The following PAPLN variants were observed in gnomAD, a reference collection of about 807,000 sequenced individuals.
The protein encoded by PAPLN is papilin, proteoglycan like sulfated glycoprotein.
PAPLN carries 146 observed loss-of-function variants against 159.0 expected under a neutral mutation model. That is an observed-to-expected ratio of 0.92 (90% CI 0.80 to 1.05). The LOEUF is 1.05. PAPLN is among the 50% of genes least tolerant of loss of function. The pLI, the probability that PAPLN is intolerant of heterozygous loss-of-function variation, is 0.00. For missense variants in PAPLN, 1,720 were observed against 1,743.9 expected (o/e 0.99, Z 0.24); for synonymous variants, 734 against 702.9 (o/e 1.04, Z -0.70).
intron 2 of PAPLN, 102 bp from the exon 3 acceptor site, chr14:73,244,542 C>T (rs2140188059): frequency 4.0e-6 from 4 of 992,996 alleles, no homozygotes; most frequent in Non-Finnish European, 6.2e-6. Flanking sequence ...ATCCCAGACT[C>T]CTTGATGGGT....
chr14:73,252,663 C>T lies in PAPLN; in HGVS notation c.982C>T (p.Leu328=). Residue 328 remains leucine (L), a synonymous_variant, in exon 11 of 27, where the codon CTG becomes TTG. Transcript: ENST00000644200. ...CCTCTGCGCAGGTCACCAGTCCCGC[C>T]TGGTGTTCTGCACCATCGACCATGA... ...AECGGGHQSR[L]VFCTIDHEAY... The T allele has an allele frequency of 6.2e-7, 1 of 1,613,140 alleles. No individual in the cohort carries two copies. The highest frequency in any genetic ancestry group is 8.5e-7 in the Non-Finnish European group (1 of 1,179,960).
intron 19 of PAPLN, chr14:73,263,400 T>C (rs1355799459): frequency 1.7e-6 from 1 of 580,046 alleles, no homozygotes; most frequent in African/African-American, 1.9e-5. Context: ...GCTTTGCACC[T>C]ACCTTGTTGC....
At position 73,245,936 on chromosome 14, in the gene PAPLN, G is replaced by A. The variant is rs529880227; in HGVS notation, c.232-137G>A. On this transcript the variant is annotated intron_variant, in intron 4 of 26. Transcript: ENST00000644200. The surrounding 1 kb of genome is among the most constrained non-coding windows in gnomAD (Gnocchi z 4.2). Reference sequence around the variant, plus strand: ...CACGCACAGGAGTTCGGGGGTCCGGGGGGCGGACTCCACCTCCGGCGGCTC... The same window carrying A: ...CACGCACAGGAGTTCGGGGGTCCGGAGGGCGGACTCCACCTCCGGCGGCTC... 4.5e-5 allele frequency: 44 copies of A among 970,970 alleles called. No individual in the cohort carries two copies. In the African/African-American group the frequency reaches 7.2e-4, roughly 16 times the overall value. 60.1% of individuals were successfully genotyped at this position (970,970 alleles called of 1,614,324 possible).
Position 73,259,344 on chromosome 14 carries a change from C to T in PAPLN, c.1784C>T (p.Pro595Leu). 1 of 1,611,342 alleles carries T rather than the reference C, an allele frequency of 6.2e-7. No homozygotes were observed. Residue 595 changes from proline (P) to leucine (L), a missense_variant, in exon 16 of 27, where the codon CCC becomes CTC. Physicochemically the swap from Pro to Leu is moderately conservative, Grantham distance 98. Coordinates refer to ENST00000644200, the MANE Select transcript of PAPLN (RefSeq NM_001365906.3). ...GACCACAGGGGAGAACGAGGTGACC[C>T]CAGGGGCGACCAAGGCACCCACCTG... ...RGDHRGERGD[P>L]RGDQGTHLSA...
At position 73,274,122 on chromosome 14, in the gene PAPLN, A is replaced by T. The variant is rs1887962585; in HGVS notation, c.*1458A>T. 6.6e-6 allele frequency: 1 copy of T among 152,276 alleles called. No individual in the cohort carries two copies. The allele number at this position is 152,276 out of a possible 1,614,324, so 9.4% of individuals were successfully genotyped here. On this transcript the variant is annotated 3_prime_UTR_variant, in exon 27 of 27. Coordinates refer to ENST00000644200, the MANE Select transcript of PAPLN (RefSeq NM_001365906.3). ...GCTGCCAAAGACAAATCAGACTGTC[A>T]GTCATTAAAAACAGCATTAGCAGGA...
At position 73,254,710 on chromosome 14, in the gene PAPLN, C is replaced by T; in HGVS notation, c.1485+15C>T. The T allele has an allele frequency of 1.9e-6, 3 of 1,610,182 alleles. No individual in the cohort carries two copies. Among genetic ancestry groups the T allele is most frequent in the African/African-American group, 1.3e-5 (1 of 74,944 alleles). ...CCTGGGGTCTAGTGAGTGCTCTCCACCCCCACACCTGCTGCCTGACCCTGG... is the reference window on the plus strand; with the variant it reads ...CCTGGGGTCTAGTGAGTGCTCTCCATCCCCACACCTGCTGCCTGACCCTGG... On this transcript the variant is annotated intron_variant, in intron 13 of 26. Coordinates refer to ENST00000644200, the MANE Select transcript of PAPLN (RefSeq NM_001365906.3).
In PAPLN at chr14:73,265,565, T is replaced by C; in HGVS notation, c.3263+58T>C. The C allele has an allele frequency of 1.3e-6, 2 of 1,584,024 alleles. No individual in the cohort carries two copies. The highest frequency in any genetic ancestry group is 1.7e-6 in the Non-Finnish European group (2 of 1,162,688). On this transcript the variant is annotated intron_variant, in intron 23 of 26. Transcript: ENST00000644200. The surrounding 1 kb of genome is among the most constrained non-coding windows in gnomAD (Gnocchi z 4.1). ...CTGCCTCCAGCCCCACCTTATCCTA[T>C]GGAGGCCACCGGGGAAGGGAGCTGC...
rs1372194901 is a variant in PAPLN, at chr14:73,245,781, C to T, written c.231+85C>T. The T allele has an allele frequency of 4.0e-5, 60 of 1,488,886 alleles. 1 individual carries two copies. Among genetic ancestry groups the T allele is most frequent in the Admixed American group, 2.0e-5 (1 of 49,928 alleles). 92.2% of individuals were successfully genotyped at this position (1,488,886 alleles called of 1,614,324 possible). A position where few individuals can be genotyped will look rare whatever the true frequency, so the allele number is the denominator to read the frequency against. On this transcript the variant is annotated intron_variant, in intron 4 of 26. Transcript: ENST00000644200. The surrounding 1 kb of genome is among the most constrained non-coding windows in gnomAD (Gnocchi z 4.2). The stretch of plus-strand genomic sequence containing the variant: ...CCCCATTGGGATGCCCGCTCCTGGC[C>T]GCGGGCTGCTGGGTTGGCCCAGCCT...
At chr14:73,260,954 T>C (rs1426649454) in intron 17 of PAPLN, 125 bp downstream of exon 17, 37 of 1,419,700 alleles carry the variant, frequency 2.6e-5, no homozygotes, top group Non-Finnish European at 2.9e-5. Flanking sequence ...TCTGCTGGCC[T>C]GGGTCATCCT....
chr14:73,251,116 C>T (rs1257878284), intron 7 of PAPLN, 86 bp downstream of exon 7: 36 of 1,521,344 alleles, frequency 2.4e-5, no homozygotes, highest in Non-Finnish European at 3.0e-5. Context: ...GCCTAGACTC[C>T]AGGCCAAGTG....
intron 2 of PAPLN, among the ~76,000 whole-genome samples, chr14:73,241,821 T>C (rs952865423): frequency 6.6e-6 from 1 of 152,278 alleles, no homozygotes; most frequent in Non-Finnish European, 1.5e-5. Flanking sequence ...CCTCAGCCTC[T>C]GCTCCCGTCT....
upstream of PAPLN, among the ~76,000 whole-genome samples, chr14:73,236,794 C>T (rs1261224400): frequency 2.2e-5 from 3 of 138,730 alleles, no homozygotes; most frequent in African/African-American, 8.1e-5. Context: ...CTACCCTGGG[C>T]AACAAGAGTG....
chr14:73,264,527 C>T, intron 21 of PAPLN, 61 bp from the exon 22 acceptor site: 1 of 1,552,260 alleles, frequency 6.4e-7, no homozygotes, highest in Non-Finnish European at 8.7e-7. Context: ...TCATGGCCCG[C>T]CCTTCCTTCC....
At chr14:73,242,636 G>A (rs1273320813) in intron 2 of PAPLN, 1 of 152,228 alleles carries the variant, frequency 6.6e-6, no homozygotes, top group African/African-American at 2.4e-5. Flanking sequence ...TTGTGAAATA[G>A]AAACTTGATC....
chr14:73,265,621 G>C lies in PAPLN; in HGVS notation c.3263+114G>C, dbSNP rs1188665574. The C allele has an allele frequency of 6.9e-7, 1 of 1,454,326 alleles. No homozygotes were observed. The highest frequency in any genetic ancestry group is 9.2e-7 in the Non-Finnish European group (1 of 1,082,586). The allele number at this position is 1,454,326 out of a possible 1,614,324, so 90.1% of individuals were successfully genotyped here. A position where few individuals can be genotyped will look rare whatever the true frequency, so the allele number is the denominator to read the frequency against. ...CATGGTCATGGCCAGTCCTGAGCCG[G>C]ACTCCAGGGCCTCTTGAGAGATGGA... On this transcript the variant is annotated intron_variant, in intron 23 of 26. Coordinates refer to ENST00000644200, the MANE Select transcript of PAPLN (RefSeq NM_001365906.3). This position sits in a 1 kb window ranked among gnomAD's most constrained non-coding sequence, Gnocchi z 4.1.
At chr14:73,263,992 C>A in intron 20 of PAPLN, 2 of 1,506,520 alleles carry the variant, frequency 1.3e-6, no homozygotes, top group East Asian at 2.6e-5. Flanking sequence ...GTGACAGCCC[C>A]CCGACCTCCT....
At chr14:73,243,805 A>C (rs1883877842) in intron 2 of PAPLN, 1 of 152,226 alleles carries the variant, frequency 6.6e-6, no homozygotes, top group Admixed American at 6.5e-5. Flanking sequence ...TCTCTCATAT[A>C]AACACCCAGG....
rs777299418 is a variant in PAPLN, at chr14:73,253,926, C to T, written c.1267C>T (p.Arg423Cys). ...PPAIQACNLQ[R>C]CAAWSPEPWG... is the part of the protein sequence containing the mutation. ...TGCCATTCAGGCCTGTAACCTGCAG[C>T]GCTGTGCAGCCTGGAGCCCGGAGCC... Residue 423 changes from arginine (R) to cysteine (C), a missense_variant, in exon 12 of 27, where the codon CGC becomes TGC. Transcript: ENST00000644200. 16 of 1,612,734 alleles carry T rather than the reference C, an allele frequency of 9.9e-6. No homozygotes were observed. In the East Asian group the frequency reaches 1.1e-4, roughly 11 times the overall value.
chr14:73,252,065 G>A lies in PAPLN; in HGVS notation c.891G>A (p.Leu297=), dbSNP rs761891205. The change falls in exon 10 of 27, where the codon CTG becomes CTA. Residue 297 remains leucine (L), a synonymous_variant. Transcript: ENST00000644200. The part of the protein sequence containing the change: ...PNPGVHYEYH[L]PLRRPSPGFS... ...CCGGTGTGCACTATGAGTACCACCT[G>A]CCCCTGCGCCGCCCCAGCCCCGGCT... 6.2e-7 allele frequency: 1 copy of A among 1,612,110 alleles called. No individual in the cohort carries two copies. The highest frequency in any genetic ancestry group is 1.7e-5 in the Admixed American group (1 of 59,888).
Sources: allele counts gnomAD v4.1 joint callset (sites outside exome capture counted in the v4.1 genomes callset), GRCh38; gene constraint gnomAD v4.1.1; non-coding constraint Gnocchi (gnomAD v3.1); transcripts MANE v1.5; gene names NCBI Gene and HGNC (gene_info 2026-07-23, HGNC 2026-07-21).